CCDC66: variants seen among roughly 807,000 people sequenced by gnomAD.
CCDC66 encodes the protein coiled-coil domain containing 66, also known as coiled-coil domain-containing protein 66.
In CCDC66, 133 loss-of-function variants were observed where a neutral mutation model predicts 128.3. The observed-to-expected ratio is 1.04, with a 90% confidence interval of 0.90 to 1.20. The LOEUF (loss-of-function observed/expected upper bound fraction) is 1.20. Ranked by LOEUF, CCDC66 falls within the 50% of genes most tolerant of loss-of-function variation. The probability of loss-of-function intolerance (pLI) is 0.00; values close to 1 mark genes in which losing one functional copy is unlikely to be tolerated. For synonymous variants in CCDC66, 387 were observed against 357.0 expected (o/e 1.08, Z -0.95); for missense variants, 1,126 against 1,075.5 (o/e 1.05, Z -0.66).
intron 15 of CCDC66, chr3:56,619,022 C>A: frequency 3.0e-6 from 1 of 336,908 alleles, no homozygotes; most frequent in East Asian, 6.3e-5. Flanking sequence ...AGTTCAAGAC[C>A]AGCCTGGCCA....
At chr3:56,617,684 G>C (rs773145255) in intron 14 of CCDC66, 79 bp downstream of exon 14, 70 of 1,497,664 alleles carry the variant, frequency 4.7e-5, no homozygotes, top group Non-Finnish European at 6.3e-5. Flanking sequence ...GCTTTGGTAA[G>C]GCTGTTCTGA....
chr3:56,600,791 G>A (rs2073027300), intron 10 of CCDC66, among the ~76,000 whole-genome samples: 1 of 152,084 alleles, frequency 6.6e-6, no homozygotes, highest in Non-Finnish European at 1.5e-5. Flanking sequence ...TTTGAGAAGT[G>A]TCTGCTCATA....
At chr3:56,585,956 A>G (rs1176851422) in intron 7 of CCDC66, among the ~76,000 whole-genome samples, 1 of 151,906 alleles carries the variant, frequency 6.6e-6, no homozygotes, top group African/African-American at 2.4e-5. Context: ...TTGTGAAATG[A>G]AAAGAGTAAT....
intron 7 of CCDC66, among the ~76,000 whole-genome samples, chr3:56,574,810 GGCTTATTTCACTTA>G (rs2067142296): frequency 6.6e-6 from 1 of 151,790 alleles, no homozygotes; most frequent in Admixed American, 6.6e-5. Context: ...GCCTCTAACT[GGCTTATTTCACTTA>G]GCATAATGTC....
chr3:56,559,014 G>T, intron 2 of CCDC66, 104 bp downstream of exon 2: 1 of 816,154 alleles, frequency 1.2e-6, no homozygotes, highest in Non-Finnish European at 1.9e-6. Flanking sequence ...ATATTTAAAT[G>T]ATATTTTAGA....
chr3:56,559,683 C>A, intron 3 of CCDC66, 89 bp downstream of exon 3: 2 of 1,036,588 alleles, frequency 1.9e-6, no homozygotes, highest in South Asian at 1.6e-5. Flanking sequence ...TGGGAAATGT[C>A]AAGTGTTCTA....
chr3:56,620,416 G>GT (rs1299273095), intron 17 of CCDC66: 1 of 153,152 alleles, frequency 6.5e-6, no homozygotes, highest in Non-Finnish European at 1.5e-5. Context: ...AAACAAACAG[G>GT]TAACATCCTT....
rs1445538470 is a variant in CCDC66, at chr3:56,564,099, T to C, written c.518T>C (p.Leu173Pro). The change falls in exon 4 of 18, where the codon CTG becomes CCG. Residue 173 changes from leucine to proline, a missense_variant. Coordinates refer to ENST00000394672, the MANE Select transcript of CCDC66 (RefSeq NM_001141947.3). ...AACCAAGGAAATAGATCTCTTTCCCTGACTGAGAATGGAAAGGAGGCAAAA... is the reference window on the plus strand; with the variant it reads ...AACCAAGGAAATAGATCTCTTTCCCCGACTGAGAATGGAAAGGAGGCAAAA... ...TVNQGNRSLSLTENGKEAKSQ... is the reference protein window; with the variant it reads ...TVNQGNRSLSPTENGKEAKSQ... The C allele has an allele frequency of 7.5e-6, 12 of 1,598,292 alleles. No homozygotes were observed. Among genetic ancestry groups the C allele is most frequent in the Non-Finnish European group, 8.5e-6 (10 of 1,172,976 alleles).
In CCDC66 at chr3:56,583,372, C is replaced by T. The variant is rs991705801; in HGVS notation, c.937-9598C>T. 2.0e-5 allele frequency among the ~76,000 whole-genome samples: 3 copies of T among 151,758 alleles called. No homozygotes were observed. The Admixed American group carries it at 2.0e-4, about 10-fold the overall frequency. On this transcript the variant is annotated intron_variant, in intron 7 of 17. Transcript: ENST00000394672. ...AGGGGGATTTGGCAGGGTCATAGGACAATAGTGGAGGGAAGGTCAGCAGAT... is the reference window on the plus strand; with the variant it reads ...AGGGGGATTTGGCAGGGTCATAGGATAATAGTGGAGGGAAGGTCAGCAGAT...
chr3:56,619,416 G>C lies in CCDC66; in HGVS notation c.2524G>C (p.Glu842Gln), dbSNP rs1419976811. ...NQTELSSGIS[E>Q]SSHFIPYVRT... ...AACAGAATTATCATCTGGGATTTCT[G>C]AATCATCCCATTTTATTCCGTATGT... Residue 842 changes from glutamate to glutamine, a missense_variant, in exon 16 of 18, where the codon GAA becomes CAA. Transcript: ENST00000394672. 1 of 1,613,952 alleles carries C rather than the reference G, an allele frequency of 6.2e-7. No individual in the cohort carries two copies. The highest frequency in any genetic ancestry group is 8.5e-7 in the Non-Finnish European group (1 of 1,179,944).
At chr3:56,600,554 A>G (rs1181972433) in intron 10 of CCDC66, among the ~76,000 whole-genome samples, 1 of 152,034 alleles carries the variant, frequency 6.6e-6, no homozygotes, top group Non-Finnish European at 1.5e-5. Context: ...AGGAATTGCC[A>G]CACTGTCTTC....
At chr3:56,621,339 C>T (rs2107506604) in intron 17 of CCDC66, 193 bp from the exon 18 acceptor site, 1 of 389,344 alleles carries the variant, frequency 2.6e-6, no homozygotes, top group East Asian at 4.0e-5. Context: ...ATGCTAAAAA[C>T]AGAATCTTAC....
At chr3:56,571,416 T>C (rs998608589) in intron 7 of CCDC66, 114 bp downstream of exon 7, 5 of 684,726 alleles carry the variant, frequency 7.3e-6, no homozygotes, top group Non-Finnish European at 1.1e-5. Flanking sequence ...AGTTTCTCTC[T>C]TGTTGCCCAG....
chr3:56,558,998 AGAGT>A, intron 2 of CCDC66, 88 bp downstream of exon 2: 1 of 891,406 alleles, frequency 1.1e-6, no homozygotes, highest in Non-Finnish European at 1.7e-6. Flanking sequence ...TGCTTGTAAT[AGAGT>A]GATATTTAAA....
At chr3:56,608,600 A>C (rs1012312600) in intron 10 of CCDC66, among the ~76,000 whole-genome samples, 2 of 39,376 alleles carry the variant, frequency 5.1e-5, no homozygotes, top group East Asian at 5.1e-4. Flanking sequence ...CGTTTGTTTC[A>C]ATTTCATTTA....
chr3:56,559,459 A>T, intron 2 of CCDC66, 110 bp from the exon 3 acceptor site: 1 of 680,080 alleles, frequency 1.5e-6, no homozygotes, highest in South Asian at 2.1e-5. Context: ...GCTTTCGAGG[A>T]TAATGTTGCT....
chr3:56,558,980 A>G, intron 2 of CCDC66, 70 bp downstream of exon 2: 2 of 1,133,262 alleles, frequency 1.8e-6, no homozygotes, highest in Admixed American at 2.5e-5. Flanking sequence ...TTAGTTCAAC[A>G]GACTTTTTGC....
intron 4 of CCDC66, 45 bp downstream of exon 4, chr3:56,564,170 T>G (rs747483025): frequency 6.9e-7 from 1 of 1,452,018 alleles, no homozygotes; most frequent in South Asian, 1.3e-5. Context: ...TTTTTCAATA[T>G]GTGTTTTAGA....
Position 56,571,154 on chromosome 3 carries a change from T to G in CCDC66, c.815-27T>G, listed in dbSNP as rs570350529. On this transcript the variant is annotated intron_variant, in intron 6 of 17. Coordinates refer to ENST00000394672, the MANE Select transcript of CCDC66 (RefSeq NM_001141947.3). ...GTTCTGTTTTTACAGTTTTTGTACA[T>G]TTTTTTAAAAAGGACATTATTTACA... 4 of 1,459,090 alleles carry G rather than the reference T, an allele frequency of 2.7e-6. No homozygotes were observed. The African/African-American group carries it at 5.8e-5, about 21-fold the overall frequency. 90.4% of individuals were successfully genotyped at this position (1,459,090 alleles called of 1,614,324 possible). A position where few individuals can be genotyped will look rare whatever the true frequency, so the allele number is the denominator to read the frequency against.
Sources: allele counts gnomAD v4.1 joint callset (sites outside exome capture counted in the v4.1 genomes callset), GRCh38; gene constraint gnomAD v4.1.1; transcripts MANE v1.5; gene names NCBI Gene and HGNC (gene_info 2026-07-23, HGNC 2026-07-21).